The following NAALADL2 variants were observed in gnomAD, a reference collection of about 807,000 sequenced individuals.
NAALADL2 encodes the protein inactive N-acetylated-alpha-linked acidic dipeptidase-like protein 2.
In NAALADL2, 76 loss-of-function variants were observed where a neutral mutation model predicts 87.2. The ratio of observed to expected loss-of-function variants is 0.87; its 90% CI spans 0.72 to 1.05. NAALADL2 has a LOEUF of 1.05. Ranked by LOEUF, NAALADL2 falls within the 50% of genes least tolerant of loss-of-function variation. The pLI, the probability that NAALADL2 is intolerant of heterozygous loss-of-function variation, is 0.00. For missense variants in NAALADL2, 1,089 were observed against 945.8 expected (o/e 1.15, Z -1.99); for synonymous variants, 354 against 331.0 (o/e 1.07, Z -0.75).
At chr3:175,562,544 C>T (rs895371050) in intron 9 of NAALADL2, among the ~76,000 whole-genome samples, 3 of 151,472 alleles carry the variant, frequency 2.0e-5, no homozygotes, top group Non-Finnish European at 4.4e-5. Flanking sequence ...TATCTTGATT[C>T]AATTTATATT....
chr3:175,239,417 C>T (rs1173840750), intron 3 of NAALADL2, among the ~76,000 whole-genome samples: 2 of 152,126 alleles, frequency 1.3e-5, no homozygotes, highest in Non-Finnish European at 2.9e-5. Context: ...GGCTTTTATG[C>T]AATTTCTATG....
chr3:174,656,397 C>T (rs546942919), intron 2 of NAALADL2, among the ~76,000 whole-genome samples: 7 of 152,130 alleles, frequency 4.6e-5, no homozygotes, highest in East Asian at 1.9e-4. Context: ...GAACTTCTTT[C>T]GAAAAAACTT....
At chr3:175,360,795 C>T (rs1225569633) in intron 5 of NAALADL2, among the ~76,000 whole-genome samples, 1 of 146,952 alleles carries the variant, frequency 6.8e-6, no homozygotes, top group African/African-American at 2.5e-5. Context: ...TTTTTTATGG[C>T]TGAGTAATAT....
intron 9 of NAALADL2, among the ~76,000 whole-genome samples, chr3:175,553,606 T>C (rs191770537): frequency 4.6e-4 from 70 of 151,500 alleles, no homozygotes; most frequent in African/African-American, 1.6e-3. Context: ...TTTATTTGCT[T>C]CAAAAAGCAC....
At chr3:175,257,529 A>G (rs531608058) in intron 4 of NAALADL2, among the ~76,000 whole-genome samples, 2 of 152,064 alleles carry the variant, frequency 1.3e-5, no homozygotes, top group South Asian at 4.2e-4. Context: ...AAGCCTTAAA[A>G]TAATCATATT....
At position 175,169,456 on chromosome 3, in the gene NAALADL2, A is replaced by AATATATATATATATATAT. The variant is rs141242519; in HGVS notation, c.546-64458_546-64457insTATATATATATATATATA. ...ACATAACTAAGAGGGTAGTTGTAAG[A>AATATATATATATATATAT]ATATATATATATATATAATCTGTTG... On this transcript the variant is annotated intron_variant, in intron 2 of 13. Coordinates refer to ENST00000454872, the MANE Select transcript of NAALADL2 (RefSeq NM_207015.3). Among the ~76,000 whole-genome samples, 8 of 147,112 alleles carry AATATATATATATATATAT rather than the reference A, an allele frequency of 5.4e-5. No individual in the cohort carries two copies. In the East Asian group the frequency reaches 6.1e-4, roughly 11 times the overall value.
chr3:175,019,909 A>C (rs1011576738), intron 1 of NAALADL2, among the ~76,000 whole-genome samples: 1 of 152,072 alleles, frequency 6.6e-6, no homozygotes, highest in Non-Finnish European at 1.5e-5. Flanking sequence ...AGCTCCAAGC[A>C]TATGCTATTG....
chr3:174,548,521 A>G (rs2108485234), intron 1 of NAALADL2, among the ~76,000 whole-genome samples: 1 of 152,312 alleles, frequency 6.6e-6, no homozygotes, highest in South Asian at 2.1e-4. Context: ...TTAAAAATAC[A>G]AAAAGCATAT....
chr3:175,401,900 TA>T (rs1310307374), intron 5 of NAALADL2, among the ~76,000 whole-genome samples: 2 of 152,082 alleles, frequency 1.3e-5, no homozygotes, highest in African/African-American at 4.8e-5. Context: ...CATGAGTATT[TA>T]AGGAGCATTA....
Position 175,525,701 on chromosome 3 carries a change from G to A in NAALADL2, c.1654-50340G>A, listed in dbSNP as rs1266674516. Among the ~76,000 whole-genome samples the A allele has an allele frequency of 2.0e-5, 3 of 151,976 alleles. No individual in the cohort carries two copies. In the South Asian group the frequency reaches 6.2e-4, roughly 31 times the overall value. On this transcript the variant is annotated intron_variant, in intron 9 of 13. Coordinates refer to ENST00000454872, the MANE Select transcript of NAALADL2 (RefSeq NM_207015.3). ...TGTGCTAATGAGCAATCCTCAAGGG[G>A]TGGGATTATTATATAAATGTTTTCC...
chr3:174,890,903 T>G (rs1237692301), intron 1 of NAALADL2, among the ~76,000 whole-genome samples: 1 of 152,128 alleles, frequency 6.6e-6, no homozygotes, highest in Non-Finnish European at 1.5e-5. Context: ...AAAAGTTTTT[T>G]CTGGCCATTA....
At chr3:174,763,170 A>T (rs1713273616) in intron 3 of NAALADL2, among the ~76,000 whole-genome samples, 1 of 152,146 alleles carries the variant, frequency 6.6e-6, no homozygotes. Context: ...TTAACCTGTA[A>T]ATTTGACTAT....
At chr3:174,924,237 G>C (rs1735650514) in intron 1 of NAALADL2, among the ~76,000 whole-genome samples, 1 of 118,282 alleles carries the variant, frequency 8.5e-6, no homozygotes, top group Admixed American at 1.2e-4. Context: ...ACAGGCCCCG[G>C]TGCGTGATGT....
intron 4 of NAALADL2, among the ~76,000 whole-genome samples, chr3:175,322,217 G>C (rs1253171076): frequency 6.6e-6 from 1 of 151,120 alleles, no homozygotes; most frequent in Non-Finnish European, 1.5e-5. Flanking sequence ...TGACAAACCT[G>C]AGAAAAGCAA....
At chr3:175,796,436 A>G (rs943281910) in intron 13 of NAALADL2, among the ~76,000 whole-genome samples, 10 of 152,204 alleles carry the variant, frequency 6.6e-5, no homozygotes, top group African/African-American at 2.2e-4. Context: ...TGGCTTAACA[A>G]TATCAACAAA....
chr3:175,042,885 T>C (rs2108978345), intron 1 of NAALADL2, among the ~76,000 whole-genome samples: 1 of 152,192 alleles, frequency 6.6e-6, no homozygotes, highest in Non-Finnish European at 1.5e-5. Context: ...ATGCCCTCCC[T>C]AGGGAGTTAG....
chr3:175,230,354 T>C (rs1744760473), intron 2 of NAALADL2, among the ~76,000 whole-genome samples: 1 of 151,878 alleles, frequency 6.6e-6, no homozygotes, highest in South Asian at 2.1e-4. Flanking sequence ...AGACAATACA[T>C]TGCAAATAAA....
chr3:175,197,608 G>T (rs1350617876), intron 2 of NAALADL2, among the ~76,000 whole-genome samples: 1 of 127,068 alleles, frequency 7.9e-6, no homozygotes, highest in Admixed American at 8.2e-5. Context: ...TTGTAAGGTT[G>T]TCCAACCTTT....
At chr3:175,531,736 G>T (rs962006931) in intron 9 of NAALADL2, among the ~76,000 whole-genome samples, 3 of 152,220 alleles carry the variant, frequency 2.0e-5, no homozygotes, top group African/African-American at 7.2e-5. Context: ...AGTTGTATTA[G>T]TTTTCTCAAG....
Sources: allele counts gnomAD v4.1 joint callset (sites outside exome capture counted in the v4.1 genomes callset), GRCh38; gene constraint gnomAD v4.1.1; transcripts MANE v1.5; gene names NCBI Gene and HGNC (gene_info 2026-07-23, HGNC 2026-07-21).